PDE4D: variants seen among roughly 807,000 people sequenced by gnomAD.
PDE4D encodes the protein phosphodiesterase 4D.
In PDE4D, 24 loss-of-function variants were observed where a neutral mutation model predicts 87.4. The observed-to-expected ratio is 0.27, with a 90% confidence interval of 0.20 to 0.39. PDE4D has a LOEUF of 0.39. Among genes scored for constraint, PDE4D ranks in the 10% least tolerant of loss-of-function variants. The probability of loss-of-function intolerance (pLI) is 1.00; values close to 1 mark genes in which losing one functional copy is unlikely to be tolerated. For synonymous variants in PDE4D, 384 were observed against 383.2 expected (o/e 1.00, Z -0.02); for missense variants, 714 against 1,041.0 (o/e 0.69, Z 4.32).
At chr5:60,036,969 C>T (rs778487581) in intron 2 of PDE4D, among the ~76,000 whole-genome samples, 19 of 152,154 alleles carry the variant, frequency 1.2e-4, no homozygotes, top group Non-Finnish European at 1.8e-4. Flanking sequence ...TATTTAAAAA[C>T]ATTTTGTCTT....
chr5:59,532,149 A>C (rs1277327786), intron 1 of PDE4D, among the ~76,000 whole-genome samples: 1 of 151,924 alleles, frequency 6.6e-6, no homozygotes, highest in Non-Finnish European at 1.5e-5. Context: ...TTTTGTTTTG[A>C]TTTTTGAGAT....
At chr5:59,428,233 CT>C (rs1306119450) in intron 1 of PDE4D, among the ~76,000 whole-genome samples, 5 of 152,136 alleles carry the variant, frequency 3.3e-5, no homozygotes, top group Non-Finnish European at 5.9e-5. Flanking sequence ...ATATACTTAG[CT>C]TTAAATCGAG....
At chr5:59,443,856 A>T (rs1164507428) in intron 1 of PDE4D, among the ~76,000 whole-genome samples, 1 of 151,722 alleles carries the variant, frequency 6.6e-6, no homozygotes, top group Non-Finnish European at 1.5e-5. Flanking sequence ...TACAATGATG[A>T]TAGAAAATAG....
intron 1 of PDE4D, among the ~76,000 whole-genome samples, chr5:60,251,464 G>A (rs1419136411): frequency 2.0e-5 from 3 of 151,866 alleles, no homozygotes; most frequent in African/African-American, 4.8e-5. Context: ...GCAGTATTTG[G>A]TTTTCCGTTT....
intron 2 of PDE4D, among the ~76,000 whole-genome samples, chr5:60,112,492 C>A (rs1777777032): frequency 1.3e-5 from 2 of 152,016 alleles, no homozygotes; most frequent in African/African-American, 4.8e-5. Flanking sequence ...CACCTTGATT[C>A]CATAAGGACC....
At chr5:59,348,849 T>G (rs1475431944) in intron 1 of PDE4D, among the ~76,000 whole-genome samples, 1 of 152,062 alleles carries the variant, frequency 6.6e-6, no homozygotes, top group Non-Finnish European at 1.5e-5. Flanking sequence ...CCCAGCACTT[T>G]AGGAGGCTGA....
intron 2 of PDE4D, among the ~76,000 whole-genome samples, chr5:60,074,977 T>C (rs1773127286): frequency 6.6e-6 from 1 of 152,220 alleles, no homozygotes; most frequent in Non-Finnish European, 1.5e-5. Flanking sequence ...CTGTGCCTTT[T>C]AATTGGGAGC....
chr5:59,912,251 T>C (rs1753534299), intron 3 of PDE4D, among the ~76,000 whole-genome samples: 3 of 152,228 alleles, frequency 2.0e-5, no homozygotes. Context: ...TCAGAAATCA[T>C]TTGTTGAATG....
chr5:59,884,833 C>T (rs961339937), intron 1 of PDE4D, among the ~76,000 whole-genome samples: 5 of 151,750 alleles, frequency 3.3e-5, no homozygotes, highest in African/African-American at 1.2e-4. Context: ...AATTTTTCAT[C>T]TTTTTCCAAA....
chr5:59,697,352 T>G (rs1263013170), intron 1 of PDE4D, among the ~76,000 whole-genome samples: 2 of 152,118 alleles, frequency 1.3e-5, no homozygotes, highest in Non-Finnish European at 2.9e-5. Context: ...AAGAGGCACA[T>G]AGAGGGCCAA....
At chr5:59,271,211 G>T (rs914336504) in intron 1 of PDE4D, among the ~76,000 whole-genome samples, 3 of 151,810 alleles carry the variant, frequency 2.0e-5, no homozygotes, top group Non-Finnish European at 4.4e-5. Context: ...GCTAATTTTT[G>T]GATTTTTAGT....
chr5:60,029,979 G>A (rs920570805), intron 2 of PDE4D, among the ~76,000 whole-genome samples: 1 of 152,090 alleles, frequency 6.6e-6, no homozygotes, highest in African/African-American at 2.4e-5. Context: ...AATTAACCCA[G>A]GTATATACAC....
chr5:59,783,709 T>C (rs1195573624), intron 1 of PDE4D, among the ~76,000 whole-genome samples: 1 of 152,186 alleles, frequency 6.6e-6, no homozygotes, highest in Non-Finnish European at 1.5e-5. Context: ...AAAACATAAG[T>C]TGTTATTTAT....
In PDE4D at chr5:60,440,340, C is replaced by CA. The variant is rs566480627; in HGVS notation, c.-90+47601dup. ...GAACTTTCCTTGTTACTTTAGAATA[C>CA]AAAAAAAATAAACACAAACCCTGTT... On this transcript the variant is annotated intron_variant, in intron 1 of 16. Coordinates refer to the PDE4D transcript ENST00000502484. 5.3e-5 allele frequency among the ~76,000 whole-genome samples: 8 copies of CA among 151,808 alleles called. No individual in the cohort carries two copies. In the South Asian group the frequency reaches 1.2e-3, roughly 24 times the overall value.
chr5:60,038,166 T>C (rs977825280), intron 2 of PDE4D, among the ~76,000 whole-genome samples: 1 of 152,200 alleles, frequency 6.6e-6, no homozygotes, highest in Non-Finnish European at 1.5e-5. Flanking sequence ...TGGTTGCCAT[T>C]GCTTTTGGTG....
chr5:59,334,894 T>C (rs772299543), intron 1 of PDE4D, among the ~76,000 whole-genome samples: 3 of 152,168 alleles, frequency 2.0e-5, no homozygotes, highest in Non-Finnish European at 4.4e-5. Flanking sequence ...CCATTTCTTC[T>C]TGAAATGTTA....
At chr5:60,105,112 GA>G (rs897782586) in intron 2 of PDE4D, among the ~76,000 whole-genome samples, 10 of 152,100 alleles carry the variant, frequency 6.6e-5, no homozygotes, top group African/African-American at 2.4e-4. Flanking sequence ...TGAAAACTTT[GA>G]AAAAAATTTA....
intron 2 of PDE4D, among the ~76,000 whole-genome samples, chr5:60,075,432 C>CT (rs1773181525): frequency 6.6e-6 from 1 of 152,118 alleles, no homozygotes. Flanking sequence ...CTATAGCTAC[C>CT]TTTAACATTT....
At chr5:60,099,530 T>TCTA (rs1776020854) in intron 2 of PDE4D, among the ~76,000 whole-genome samples, 1 of 151,942 alleles carries the variant, frequency 6.6e-6, no homozygotes. Context: ...TACAAACTTC[T>TCTA]CTACTTTGTA....
Sources: allele counts gnomAD v4.1 joint callset (sites outside exome capture counted in the v4.1 genomes callset), GRCh38; gene constraint gnomAD v4.1.1; transcripts MANE v1.5; gene names NCBI Gene and HGNC (gene_info 2026-07-23, HGNC 2026-07-21).